Variants in DLG2 observed in about 807,000 individuals in gnomAD.
DLG2 encodes discs large MAGUK scaffold protein 2, also known as disks large homolog 2.
In DLG2, 45 loss-of-function variants were observed where a neutral mutation model predicts 132.5. The ratio of observed to expected loss-of-function variants is 0.34; its 90% CI spans 0.27 to 0.44. DLG2 has a LOEUF of 0.44. DLG2 is among the 20% of genes least tolerant of loss of function. The pLI is 1.00. For missense variants in DLG2, 1,045 were observed against 1,196.9 expected, an observed-to-expected ratio of 0.87 and a Z score of 1.87; for synonymous variants, 424 against 419.6, an observed-to-expected ratio of 1.01 and a Z score of -0.13.
intron 18 of DLG2, among the ~76,000 whole-genome samples, chr11:83,759,492 A>G (rs926809493): frequency 1.3e-4 from 20 of 152,180 alleles, no homozygotes; most frequent in African/African-American, 4.8e-4. Context: ...CGAAGGCTTT[A>G]GCAAATGTCT....
intron 6 of DLG2, among the ~76,000 whole-genome samples, chr11:84,759,738 A>G (rs150017867): frequency 2.6e-5 from 4 of 152,308 alleles, no homozygotes; most frequent in African/African-American, 7.2e-5. Flanking sequence ...TCTCCATTGC[A>G]ACAAAAACTT....
intron 6 of DLG2, chr11:85,021,353 C>G: frequency 7.7e-7 from 1 of 1,299,630 alleles, no homozygotes. Flanking sequence ...ATCTGTGCTG[C>G]AGATCGTTTC....
At chr11:84,559,238 A>C (rs2099418254) in intron 6 of DLG2, among the ~76,000 whole-genome samples, 3 of 152,146 alleles carry the variant, frequency 2.0e-5, no homozygotes. Context: ...TGTTGTCATT[A>C]TAACAAAAAT....
intron 7 of DLG2, among the ~76,000 whole-genome samples, chr11:84,493,916 C>T (rs1353337063): frequency 1.3e-5 from 2 of 151,968 alleles, no homozygotes; most frequent in African/African-American, 4.8e-5. Context: ...TATCTTGGCC[C>T]CAGGTAGAAT....
intron 6 of DLG2, among the ~76,000 whole-genome samples, chr11:84,949,351 C>T (rs1007996398): frequency 5.3e-5 from 8 of 152,166 alleles, no homozygotes; most frequent in African/African-American, 1.9e-4. Context: ...ACCACAGGAC[C>T]GAGGTGAAAT....
chr11:83,787,323 G>GTT (rs1369444931), intron 17 of DLG2, among the ~76,000 whole-genome samples: 10 of 118,204 alleles, frequency 8.5e-5, no homozygotes, highest in Non-Finnish European at 1.3e-4. Flanking sequence ...TTTTTTTTTT[G>GTT]TTTTTTTTTT....
intron 18 of DLG2, among the ~76,000 whole-genome samples, chr11:83,689,801 CA>C (rs920905374): frequency 6.6e-6 from 1 of 151,206 alleles, no homozygotes; most frequent in Non-Finnish European, 1.5e-5. Context: ...CTTCCTAAAC[CA>C]GTGGTTTCAA....
intron 7 of DLG2, 31 bp downstream of exon 7, chr11:84,534,539 A>T (rs1312376179): frequency 1.2e-6 from 2 of 1,606,696 alleles, no homozygotes; most frequent in East Asian, 4.5e-5. Flanking sequence ...ACTGTCACCA[A>T]CTATAAAGTC....
intron 3 of DLG2, among the ~76,000 whole-genome samples, chr11:85,304,696 C>A (rs1241699452): frequency 6.6e-6 from 1 of 152,078 alleles, no homozygotes; most frequent in Non-Finnish European, 1.5e-5. Flanking sequence ...GAAAGCATTT[C>A]CGATAAACGA....
At chr11:84,325,535 A>C (rs1400026457) in intron 7 of DLG2, among the ~76,000 whole-genome samples, 1 of 152,014 alleles carries the variant, frequency 6.6e-6, no homozygotes, top group Non-Finnish European at 1.5e-5. Flanking sequence ...TCATTCTTTT[A>C]ATGTGATTTA....
At chr11:84,960,419 C>G (rs1013632009) in intron 6 of DLG2, among the ~76,000 whole-genome samples, 1 of 151,692 alleles carries the variant, frequency 6.6e-6, no homozygotes, top group Non-Finnish European at 1.5e-5. Flanking sequence ...ATTTCTATAA[C>G]AAAATGTAAA....
chr11:83,817,932 T>A (rs1372308452), intron 17 of DLG2, among the ~76,000 whole-genome samples: 1 of 152,204 alleles, frequency 6.6e-6, no homozygotes, highest in Non-Finnish European at 1.5e-5. Context: ...ATACGTTTAG[T>A]CATAACTAAT....
At chr11:84,561,406 G>A (rs1311887386) in intron 6 of DLG2, among the ~76,000 whole-genome samples, 1 of 151,966 alleles carries the variant, frequency 6.6e-6, no homozygotes, top group African/African-American at 2.4e-5. Context: ...CATATTAAAT[G>A]TTACCTTTCT....
At chr11:85,301,381 G>A (rs1027707352) in intron 3 of DLG2, among the ~76,000 whole-genome samples, 11 of 152,046 alleles carry the variant, frequency 7.2e-5, no homozygotes, top group African/African-American at 1.9e-4. Context: ...GACTATATAC[G>A]TTCTATAAAG....
At chr11:85,064,012 C>T (rs1412287990) in intron 6 of DLG2, among the ~76,000 whole-genome samples, 2 of 151,688 alleles carry the variant, frequency 1.3e-5, no homozygotes, top group Non-Finnish European at 2.9e-5. Flanking sequence ...TAAAAAATAA[C>T]ACAAATACAA....
intron 8 of DLG2, among the ~76,000 whole-genome samples, chr11:84,250,241 A>G (rs1459474463): frequency 6.6e-6 from 1 of 152,186 alleles, no homozygotes; most frequent in Non-Finnish European, 1.5e-5. Flanking sequence ...TGCTCTCTTT[A>G]AATGGCCATG....
chr11:83,702,697 T>C (rs2083173836), intron 18 of DLG2, among the ~76,000 whole-genome samples: 1 of 152,226 alleles, frequency 6.6e-6, no homozygotes. Context: ...AAGACACTGA[T>C]CTGTCTCTTC....
intron 12 of DLG2, among the ~76,000 whole-genome samples, chr11:83,975,426 T>C (rs1201536172): frequency 6.6e-6 from 1 of 152,020 alleles, no homozygotes; most frequent in East Asian, 1.9e-4. Flanking sequence ...ATTATTTTGC[T>C]AAAAAGAACA....
intron 18 of DLG2, among the ~76,000 whole-genome samples, chr11:83,680,676 T>C (rs1332203514): frequency 6.6e-6 from 1 of 152,168 alleles, no homozygotes; most frequent in Middle Eastern, 3.2e-3. Flanking sequence ...ACGGAAAATA[T>C]GGAAAAGCTA....
Sources: allele counts gnomAD v4.1 joint callset (sites outside exome capture counted in the v4.1 genomes callset), GRCh38; gene constraint gnomAD v4.1.1; transcripts MANE v1.5; gene names NCBI Gene and HGNC (gene_info 2026-07-23, HGNC 2026-07-21).